The following LYST variants were observed in gnomAD, a reference collection of about 807,000 sequenced individuals.
LYST encodes lysosomal trafficking regulator.
A neutral mutation model predicts 413.6 loss-of-function variants in LYST; 192 were observed. The ratio of observed to expected loss-of-function variants is 0.46; its 90% CI spans 0.41 to 0.52. The LOEUF (loss-of-function observed/expected upper bound fraction) is 0.52, where lower values mean the gene tolerates loss of function less well. LYST is among the 20% of genes least tolerant of loss of function. The probability of loss-of-function intolerance (pLI) is 0.00; values close to 1 mark genes in which losing one functional copy is unlikely to be tolerated. For missense variants in LYST, 3,815 were observed against 4,499.9 expected (o/e 0.85, Z 4.35); for synonymous variants, 1,525 against 1,567.3 (o/e 0.97, Z 0.64).
At chr1:235,798,164 G>C (rs939377698) in intron 10 of LYST, among the ~76,000 whole-genome samples, 3 of 152,094 alleles carry the variant, frequency 2.0e-5, no homozygotes, top group Admixed American at 6.5e-5. Context: ...AACAAGGAAA[G>C]TCTGAGAAAC....
rs1667348165 is a variant in LYST, at chr1:235,759,322, C to A, written c.6531G>T (p.Met2177Ile). ...SCESAKTVCE[M>I]EAVLSAQVSV... is the part of the protein sequence containing the mutation. ...AGACCTGGGCTGAGAGGACAGCTTC[C>A]ATTTCACAAACAGTTTTTGCAGACT... The change falls in exon 23 of 53, where the codon ATG becomes ATT. Residue 2177 changes from methionine (M) to isoleucine (I), a missense_variant. By Grantham distance (10) the Met-to-Ile change is conservative. Around this residue, in one of 4 missense-constraint regions of LYST, gnomAD observed 771 missense variants for 837.1 expected, o/e 0.92. Coordinates refer to ENST00000389793, the MANE Select transcript of LYST (RefSeq NM_000081.4). 6.2e-7 allele frequency: 1 copy of A among 1,614,174 alleles called. No individual in the cohort carries two copies. The highest frequency in any genetic ancestry group is 1.3e-5 in the African/African-American group (1 of 75,050).
At chr1:235,796,548 T>C (rs1273339840) in intron 10 of LYST, among the ~76,000 whole-genome samples, 1 of 152,198 alleles carries the variant, frequency 6.6e-6, no homozygotes, top group Non-Finnish European at 1.5e-5. Flanking sequence ...ATCTGTCCCC[T>C]CCAAAACTCA....
chr1:235,806,821 T>C (rs1459264351), intron 5 of LYST, 49 bp from the exon 6 acceptor site: 6 of 1,187,102 alleles, frequency 5.1e-6, no homozygotes, highest in South Asian at 1.3e-5. Flanking sequence ...AGAAACATCA[T>C]TTATAAATAG....
chr1:235,803,503 T>C (rs1233519596), intron 7 of LYST, among the ~76,000 whole-genome samples: 1 of 152,082 alleles, frequency 6.6e-6, no homozygotes, highest in Non-Finnish European at 1.5e-5. Context: ...AGACAAGACA[T>C]TTTTTTCAAA....
intron 50 of LYST, among the ~76,000 whole-genome samples, chr1:235,667,350 A>G (rs1658576843): frequency 6.6e-6 from 1 of 152,230 alleles, no homozygotes. Flanking sequence ...CCAGTGATAG[A>G]ATGGTAAACA....
At chr1:235,705,676 G>A (rs1381258297) in intron 44 of LYST, among the ~76,000 whole-genome samples, 2 of 152,062 alleles carry the variant, frequency 1.3e-5, no homozygotes, top group Non-Finnish European at 2.9e-5. Context: ...ATTAGCCACT[G>A]TGCCTGGCCC....
At chr1:235,875,246 TTG>T (rs1262772473) in intron 1 of LYST, among the ~76,000 whole-genome samples, 1 of 152,074 alleles carries the variant, frequency 6.6e-6, no homozygotes, top group East Asian at 1.9e-4. Context: ...GGAAGATGAT[TTG>T]TGTTTTACTT....
At chr1:235,689,517 T>A (rs555241048) in intron 47 of LYST, among the ~76,000 whole-genome samples, 1 of 152,212 alleles carries the variant, frequency 6.6e-6, no homozygotes, top group East Asian at 1.9e-4. Flanking sequence ...AATGGAGAGA[T>A]GGTGGTCAAA....
At chr1:235,805,592 TAA>T in intron 6 of LYST, 149 bp downstream of exon 6, 1 of 262,158 alleles carries the variant, frequency 3.8e-6, no homozygotes, top group Non-Finnish European at 6.7e-6. Context: ...TACACATATA[TAA>T]AAGTAATATA....
intron 24 of LYST, among the ~76,000 whole-genome samples, chr1:235,756,312 CT>C (rs1667047954): frequency 6.6e-6 from 1 of 152,084 alleles, no homozygotes; most frequent in African/African-American, 2.4e-5. Context: ...ACAAAATATA[CT>C]TTTTCCATGA....
intron 48 of LYST, among the ~76,000 whole-genome samples, chr1:235,682,048 C>T (rs571446595): frequency 1.8e-4 from 27 of 152,182 alleles, no homozygotes; most frequent in African/African-American, 6.0e-4. Flanking sequence ...ATGTGGCTCA[C>T]GTCTGTAATG....
chr1:235,804,062 A>G (rs1672542541), intron 7 of LYST, among the ~76,000 whole-genome samples: 1 of 152,224 alleles, frequency 6.6e-6, no homozygotes, highest in Admixed American at 6.5e-5. Context: ...TGTAGGCACT[A>G]GTCATTTTTA....
At chr1:235,830,896 G>T (rs778027069) in intron 2 of LYST, among the ~76,000 whole-genome samples, 7 of 152,084 alleles carry the variant, frequency 4.6e-5, no homozygotes, top group Non-Finnish European at 1.0e-4. Flanking sequence ...TTCCAATCAG[G>T]TGAATAAAAA....
chr1:235,796,214 T>C (rs1671544236), intron 10 of LYST, among the ~76,000 whole-genome samples: 1 of 152,082 alleles, frequency 6.6e-6, no homozygotes, highest in Non-Finnish European at 1.5e-5. Flanking sequence ...AATCCTGTAT[T>C]AGATCTAAGA....
rs76402903 is a variant in LYST, at chr1:235,672,960, C to G, written c.11038+4131G>C. Among the ~76,000 whole-genome samples, 86 of 152,292 alleles carry G rather than the reference C, an allele frequency of 5.6e-4. No individual in the cohort carries two copies. In the East Asian group the frequency reaches 0.014, roughly 24 times the overall value. On this transcript the variant is annotated intron_variant, in intron 50 of 52. Coordinates refer to ENST00000389793, the MANE Select transcript of LYST (RefSeq NM_000081.4). ...AAGCCTCCTAGCACAAACTCCACCC[C>G]TCAAACTCCCAGTTCACCGACACCA...
At chr1:235,711,353 T>A (rs539918699) in intron 43 of LYST, among the ~76,000 whole-genome samples, 1 of 152,208 alleles carries the variant, frequency 6.6e-6, no homozygotes, top group Non-Finnish European at 1.5e-5. Context: ...ATGAATCTAC[T>A]GATGATTCAA....
At chr1:235,699,832 A>C (rs1252185635) in intron 45 of LYST, among the ~76,000 whole-genome samples, 2 of 152,098 alleles carry the variant, frequency 1.3e-5, no homozygotes, top group Admixed American at 6.6e-5. Context: ...ATGATCAGTG[A>C]TCCTGAGCTT....
chr1:235,808,448 T>G lies in LYST; in HGVS notation c.2363+7A>C. 1 of 1,480,846 alleles carries G rather than the reference T, an allele frequency of 6.8e-7. No individual in the cohort carries two copies. 91.7% of individuals were successfully genotyped at this position (1,480,846 alleles called of 1,614,324 possible). On this transcript the variant is annotated splice_region_variant and intron_variant, in intron 5 of 52. Transcript: ENST00000389793. ...CCGCCCCCGCCGCCACCCACACACA[T>G]ACAAACCTGGATTTAAGCAGGATAG...
intron 27 of LYST, 39 bp from the exon 28 acceptor site, chr1:235,751,401 G>A: frequency 1.9e-6 from 3 of 1,574,630 alleles, no homozygotes; most frequent in South Asian, 2.2e-5. Flanking sequence ...CAAGCTATGT[G>A]GTTACTAATT....
Sources: gnomAD v4.1 joint callset for allele counts (sites outside exome capture counted in the v4.1 genomes callset) on GRCh38, gnomAD v4.1.1 for gene constraint, gnomAD v4.1.1 regional missense constraint, MANE v1.5 for transcripts, NCBI Gene and HGNC (gene_info 2026-07-23, HGNC 2026-07-21) for gene names.